C3orf52: variants seen among roughly 807,000 people sequenced by gnomAD.
C3orf52 encodes the protein chromosome 3 open reading frame 52.
Under a neutral mutation model 24.8 loss-of-function variants are expected in C3orf52, and 22 were observed. The ratio of observed to expected loss-of-function variants is 0.89; its 90% CI spans 0.63 to 1.27. C3orf52 has a LOEUF of 1.27. C3orf52 is among the 50% of genes most tolerant of loss of function. The pLI is 0.00. For synonymous variants in C3orf52, 93 were observed against 100.2 expected (o/e 0.93, Z 0.43); for missense variants, 265 against 260.7 (o/e 1.02, Z -0.11).
intron 4 of C3orf52, chr3:112,128,075 G>A: frequency 1.2e-6 from 2 of 1,612,048 alleles, no homozygotes; most frequent in South Asian, 1.1e-5. Flanking sequence ...AAATACCCAA[G>A]AGAGATGGCA....
At chr3:112,132,753 A>G (rs1243471145), downstream of C3orf52, 3 of 707,740 alleles carry the variant, frequency 4.2e-6, no homozygotes, top group Non-Finnish European at 5.3e-6. Flanking sequence ...CTTGTGGAGC[A>G]TGAGGAGCTC....
intron 3 of C3orf52, among the ~76,000 whole-genome samples, chr3:112,106,552 G>A (rs2074027370): frequency 6.6e-6 from 1 of 152,162 alleles, no homozygotes; most frequent in Non-Finnish European, 1.5e-5. Flanking sequence ...TCAGGAGCTG[G>A]AGTAAAGACC....
At chr3:112,121,062 T>A (rs879098524), downstream of C3orf52, 1 of 152,220 alleles carries the variant, frequency 6.6e-6, no homozygotes, top group South Asian at 2.1e-4. Flanking sequence ...TAATTCCCTC[T>A]TATAAATCCC....
downstream of C3orf52, chr3:112,130,000 A>G (rs2074413704): frequency 6.3e-6 from 1 of 159,312 alleles, no homozygotes; most frequent in African/African-American, 2.4e-5. Context: ...GTCTTTGTTT[A>G]ACAACATCAG....
At chr3:112,136,014 A>C in the C3orf52 span, among the ~76,000 whole-genome samples, 102 of 152,320 alleles carry the variant, frequency 6.7e-4, no homozygotes, top group African/African-American at 2.3e-3. Context: ...GTCCATGTGC[A>C]GTCTCCATGC....
intron 2 of C3orf52, among the ~76,000 whole-genome samples, chr3:112,102,201 T>C (rs112449721): frequency 0.094 from 14,295 of 152,070 alleles, 1,234 homozygotes; most frequent in African/African-American, 0.23. Context: ...GTCACCTCTG[T>C]TGTTTGAGTC....
At chr3:112,112,773 C>A (rs2074096159) in intron 4 of C3orf52, 191 bp from the exon 5 acceptor site, 2 of 661,352 alleles carry the variant, frequency 3.0e-6, no homozygotes, top group Non-Finnish European at 5.6e-6. Flanking sequence ...AGGATCACCT[C>A]AACTTTTTGT....
chr3:112,090,287 CTTT>C (rs386397627), intron 1 of C3orf52, among the ~76,000 whole-genome samples: 2 of 109,022 alleles, frequency 1.8e-5, no homozygotes, highest in Non-Finnish European at 3.6e-5. Flanking sequence ...GTTTCATGTG[CTTT>C]TTTTTTTTTT....
rs757559718 is a variant in C3orf52, at chr3:112,116,905, G to A, written c.*259G>A. 2.9e-5 allele frequency: 44 copies of A among 1,537,092 alleles called. No homozygotes were observed. Among genetic ancestry groups the A allele is most frequent in the South Asian group, 2.9e-4 (24 of 84,058 alleles). ...CTAGGGTGGGGGCGATAGGGTCAGC[G>A]GGTATGTCCCACTGTTGGAGGTCAC... On this transcript the variant is annotated 3_prime_UTR_variant, in exon 6 of 6. Coordinates refer to ENST00000264848, the MANE Select transcript of C3orf52 (RefSeq NM_024616.3).
At chr3:112,121,168 G>A (rs770348744), downstream of C3orf52, 1 of 152,156 alleles carries the variant, frequency 6.6e-6, no homozygotes, top group Non-Finnish European at 1.5e-5. Context: ...GACAGATAAT[G>A]CTTTCACAGG....
At chr3:112,128,486 G>C (rs536383224) in exon 5 of C3orf52, 9 of 327,674 alleles carry the variant, frequency 2.7e-5, no homozygotes, top group African/African-American at 1.9e-4. Flanking sequence ...ACAGTATATT[G>C]CAATTGTTTG....
chr3:112,113,176 G>A (rs2074102780), intron 5 of C3orf52, 31 bp downstream of exon 5: 2 of 1,547,112 alleles, frequency 1.3e-6, no homozygotes, highest in African/African-American at 1.4e-5. Flanking sequence ...AGTCAGAGTT[G>A]TGACAATAAA....
intron 2 of C3orf52, among the ~76,000 whole-genome samples, chr3:112,102,470 C>A (rs2073981958): frequency 6.6e-6 from 1 of 152,142 alleles, no homozygotes. Context: ...GTAGTTTAGC[C>A]ACCCCCACCG....
chr3:112,124,644 A>G (rs2074270024), intron 4 of C3orf52, among the ~76,000 whole-genome samples: 1 of 152,192 alleles, frequency 6.6e-6, no homozygotes, highest in Admixed American at 6.5e-5. Context: ...TAATCTTATG[A>G]TATCTTAATG....
chr3:112,101,730 C>T (rs748856783), intron 2 of C3orf52, among the ~76,000 whole-genome samples: 9 of 152,162 alleles, frequency 5.9e-5, no homozygotes, highest in Non-Finnish European at 1.3e-4. Context: ...TTTACCTGTC[C>T]TTCCATCTCA....
At chr3:112,090,388 G>T (rs910198150) in intron 1 of C3orf52, among the ~76,000 whole-genome samples, 15 of 148,108 alleles carry the variant, frequency 1.0e-4, no homozygotes, top group Non-Finnish European at 1.8e-4. Flanking sequence ...TTGACCTCTT[G>T]GGCTCAAGCG....
chr3:112,129,667 T>C (rs1452652077), downstream of C3orf52: 1 of 152,192 alleles, frequency 6.6e-6, no homozygotes, highest in Non-Finnish European at 1.5e-5. Context: ...ATGATACCCC[T>C]GAAAATATGT....
At chr3:112,116,508 T>C (rs2074134371) in intron 5 of C3orf52, 134 bp from the exon 6 acceptor site, 2 of 728,866 alleles carry the variant, frequency 2.7e-6, no homozygotes, top group East Asian at 5.4e-5. Context: ...AAATTTCCTC[T>C]GTTAGGAATG....
At chr3:112,093,632 G>T in intron 2 of C3orf52, 143 bp downstream of exon 2, 1 of 743,392 alleles carries the variant, frequency 1.3e-6, no homozygotes, top group Non-Finnish European at 2.0e-6. Context: ...ATATTGTATG[G>T]GTGGGAGATA....
Sources: allele counts gnomAD v4.1 joint callset (sites outside exome capture counted in the v4.1 genomes callset), GRCh38; gene constraint gnomAD v4.1.1; transcripts MANE v1.5; gene names NCBI Gene and HGNC (gene_info 2026-07-23, HGNC 2026-07-21).